The following SLC60A1 variants were observed in gnomAD, a reference collection of about 807,000 sequenced individuals.
The protein encoded by SLC60A1 is solute carrier family 60 member 1, also known as major facilitator superfamily domain containing 4.
At chr1:205,582,401 G>T in the SLC60A1 span, among the ~76,000 whole-genome samples, 2 of 152,228 alleles carry the variant, frequency 1.3e-5, no homozygotes, top group South Asian at 2.1e-4. Flanking sequence ...ACTCATGTGG[G>T]TGCACACGCA....
At chr1:205,569,863 C>CTTAACA in the SLC60A1 span, among the ~76,000 whole-genome samples, 1 of 152,142 alleles carries the variant, frequency 6.6e-6, no homozygotes, top group Admixed American at 6.5e-5. Flanking sequence ...TGTCCCTTCC[C>CTTAACA]CCGGGTAGCC....
At chr1:205,584,548 T>TTA in the SLC60A1 span, among the ~76,000 whole-genome samples, 1 of 111,612 alleles carries the variant, frequency 9.0e-6, no homozygotes, top group Non-Finnish European at 1.8e-5. Context: ...TTTTTTTTTT[T>TTA]AAAAAAAAAA....
chr1:205,581,112 G>A, the SLC60A1 span, among the ~76,000 whole-genome samples: 3 of 152,224 alleles, frequency 2.0e-5, no homozygotes, highest in Admixed American at 6.5e-5. The surrounding 1 kb of genome is among the most constrained non-coding windows in gnomAD (Gnocchi z 4.2). Flanking sequence ...ATCCTTCAGC[G>A]ACCTGTGATT....
the SLC60A1 span, chr1:205,597,773 T>C: frequency 6.2e-7 from 1 of 1,613,658 alleles, no homozygotes; most frequent in African/African-American, 1.3e-5. Flanking sequence ...CCTTCTCTTT[T>C]TGTTAGGCTG....
chr1:205,584,186 C>T, the SLC60A1 span: 3 of 1,508,048 alleles, frequency 2.0e-6, no homozygotes, highest in East Asian at 2.3e-5. Context: ...GGTAACCCCT[C>T]TCCCAGAGAG....
chr1:205,599,678 A>T, the SLC60A1 span: 1 of 159,434 alleles, frequency 6.3e-6, no homozygotes, highest in Non-Finnish European at 1.4e-5. Context: ...ATTCTAGTCC[A>T]AATCTTTTTT....
the SLC60A1 span, among the ~76,000 whole-genome samples, chr1:205,597,373 GTTTTTTTTT>G: frequency 5.4e-5 from 2 of 37,228 alleles, no homozygotes; most frequent in Admixed American, 3.4e-4. Context: ...AACCTAGGTT[GTTTTTTTTT>G]TTTTTTTTTT....
the SLC60A1 span, chr1:205,599,108 C>T: frequency 1.9e-6 from 3 of 1,613,386 alleles, no homozygotes; most frequent in South Asian, 1.1e-5. Flanking sequence ...TTGTCTGTCT[C>T]TCTGTGTTTT....
the SLC60A1 span, among the ~76,000 whole-genome samples, chr1:205,593,019 T>C: frequency 6.6e-6 from 1 of 152,190 alleles, no homozygotes; most frequent in Non-Finnish European, 1.5e-5. Context: ...GCCTCTTTGA[T>C]GTCAGAAATC....
chr1:205,586,114 C>T, the SLC60A1 span: 1 of 1,613,718 alleles, frequency 6.2e-7, no homozygotes, highest in South Asian at 1.1e-5. Flanking sequence ...GCTACCTCCC[C>T]AGCCTCTTCT....
the SLC60A1 span, chr1:205,599,123 T>G: frequency 6.2e-7 from 1 of 1,613,984 alleles, no homozygotes; most frequent in Non-Finnish European, 8.5e-7. Flanking sequence ...TGTTTTCCCC[T>G]TTGGCAGATA....
At chr1:205,582,883 C>T in the SLC60A1 span, among the ~76,000 whole-genome samples, 4 of 152,200 alleles carry the variant, frequency 2.6e-5, no homozygotes, top group Non-Finnish European at 4.4e-5. Flanking sequence ...TGAGAGCCAG[C>T]CTGCCTCCAG....
chr1:205,580,066 A>C, the SLC60A1 span: 1 of 1,125,070 alleles, frequency 8.9e-7, no homozygotes, highest in Non-Finnish European at 1.2e-6. The surrounding 1 kb of genome is among the most constrained non-coding windows in gnomAD (Gnocchi z 5.0). Context: ...CTGGGTTAGT[A>C]AGTTCTAGAC....
chr1:205,569,048 C>T, the SLC60A1 span: 1 of 1,444,528 alleles, frequency 6.9e-7, no homozygotes, highest in Non-Finnish European at 9.2e-7. Flanking sequence ...GGACCAGATC[C>T]GCGAGCCCGT....
At chr1:205,580,902 G>A in the SLC60A1 span, 3 of 1,613,730 alleles carry the variant, frequency 1.9e-6, no homozygotes, top group Non-Finnish European at 2.5e-6. The surrounding 1 kb of genome is among the most constrained non-coding windows in gnomAD (Gnocchi z 5.0). Flanking sequence ...TATGCCTTCT[G>A]GATCATGGCC....
chr1:205,589,308 G>T, the SLC60A1 span, among the ~76,000 whole-genome samples: 1 of 152,188 alleles, frequency 6.6e-6, no homozygotes, highest in Non-Finnish European at 1.5e-5. Flanking sequence ...TGGGTTAGGG[G>T]CTAGGAGGCT....
At chr1:205,592,341 C>T in the SLC60A1 span, 2 of 1,539,820 alleles carry the variant, frequency 1.3e-6, no homozygotes, top group South Asian at 2.4e-5. Flanking sequence ...GGCGCCGCCG[C>T]CTCGCTCTGC....
At chr1:205,579,230 C>T in the SLC60A1 span, among the ~76,000 whole-genome samples, 25 of 152,136 alleles carry the variant, frequency 1.6e-4, no homozygotes, top group Admixed American at 1.0e-3. Flanking sequence ...CGTCTCAGGC[C>T]GGGTGCCTGT....
chr1:205,571,928 A>G, the SLC60A1 span, among the ~76,000 whole-genome samples: 1 of 152,190 alleles, frequency 6.6e-6, no homozygotes, highest in African/African-American at 2.4e-5. Flanking sequence ...TTAGGATGAC[A>G]CATGGGAGAG....
Sources: allele counts gnomAD v4.1 joint callset (sites outside exome capture counted in the v4.1 genomes callset), GRCh38; gene constraint gnomAD v4.1.1; non-coding constraint Gnocchi (gnomAD v3.1); transcripts MANE v1.5; gene names NCBI Gene and HGNC (gene_info 2026-07-23, HGNC 2026-07-21).